RAB3B: variants seen among roughly 807,000 people sequenced by gnomAD.
RAB3B encodes the protein RAB3B, member RAS oncogene family, also known as ras-related protein Rab-3B.
Under a neutral mutation model 20.5 loss-of-function variants are expected in RAB3B, and 11 were observed. The ratio of observed to expected loss-of-function variants is 0.54; its 90% confidence interval spans 0.34 to 0.89. The LOEUF (loss-of-function observed/expected upper bound fraction) is 0.89. Ranked by LOEUF, RAB3B falls within the 40% of genes least tolerant of loss-of-function variation. The pLI is 0.02. For missense variants in RAB3B, 225 were observed against 280.9 expected (o/e 0.80, Z 1.42); for synonymous variants, 99 against 106.3 (o/e 0.93, Z 0.42).
At chr1:51,977,274 G>GC (rs1326187746) in intron 1 of RAB3B, among the ~76,000 whole-genome samples, 157 bp from the exon 2 acceptor site, 1 of 152,138 alleles carries the variant, frequency 6.6e-6, no homozygotes, top group Non-Finnish European at 1.5e-5. Context: ...CACTACACCT[G>GC]CCCCAAATGT....
chr1:51,949,859 A>G (rs1014076231), intron 2 of RAB3B, among the ~76,000 whole-genome samples: 1 of 152,156 alleles, frequency 6.6e-6, no homozygotes, highest in African/African-American at 2.4e-5. Flanking sequence ...ACAGTGCCAC[A>G]GCCTTTTGGG....
At chr1:51,955,019 T>C (rs1684689309) in intron 2 of RAB3B, among the ~76,000 whole-genome samples, 1 of 152,178 alleles carries the variant, frequency 6.6e-6, no homozygotes, top group Non-Finnish European at 1.5e-5. Flanking sequence ...CCGGAAGACA[T>C]TCAGTTAGTG....
chr1:51,925,854 A>G (rs1313163433), intron 4 of RAB3B, among the ~76,000 whole-genome samples: 1 of 152,252 alleles, frequency 6.6e-6, no homozygotes, highest in African/African-American at 2.4e-5. Context: ...CTAAGAAGCT[A>G]AACAGAATAT....
chr1:51,921,184 TTGTC>T (rs1684167456), intron 4 of RAB3B, among the ~76,000 whole-genome samples: 1 of 152,148 alleles, frequency 6.6e-6, no homozygotes, highest in Non-Finnish European at 1.5e-5. Flanking sequence ...CCCACTTCTG[TTGTC>T]TGTCTGCTTT....
At chr1:51,986,146 A>ATT (rs11308826) in intron 1 of RAB3B, among the ~76,000 whole-genome samples, 5 of 89,308 alleles carry the variant, frequency 5.6e-5, no homozygotes, top group African/African-American at 1.7e-4. Flanking sequence ...ATTTCTACGA[A>ATT]TTTTTTTTTT....
At position 51,940,173 on chromosome 1, in the gene RAB3B, C is replaced by A. The variant is rs562830305; in HGVS notation, c.229-2761G>T. Reference sequence around the variant, plus strand: ...ACCCATTACAACATATTGCCTTAGCCATGAACTATACTTAGTGTGATAATA... The same window carrying A: ...ACCCATTACAACATATTGCCTTAGCAATGAACTATACTTAGTGTGATAATA... On this transcript the variant is annotated intron_variant, in intron 2 of 4. Transcript: ENST00000371655. Among the ~76,000 whole-genome samples, 11 of 152,276 alleles carry A rather than the reference C, an allele frequency of 7.2e-5. No individual in the cohort carries two copies. The East Asian group carries it at 2.1e-3, about 29-fold the overall frequency.
Position 51,933,340 on chromosome 1 carries a change from G to A in RAB3B, c.450C>T (p.Gly150=). ...TACCAAGCTGCTCTGCAAGGAGCTG[G>A]CCCTTCTCAGTGGGAACAACCCTCT... ...EEERVVPTEK[G]QLLAEQLGFD... is the part of the protein sequence containing the mutation. Residue 150 remains glycine, a synonymous_variant, in exon 4 of 5, where the codon GGC becomes GGT. Coordinates refer to ENST00000371655, the MANE Select transcript of RAB3B (RefSeq NM_002867.4). 1 of 1,613,908 alleles carries A rather than the reference G, an allele frequency of 6.2e-7. No individual in the cohort carries two copies. The highest frequency in any genetic ancestry group is 1.6e-4 in the Middle Eastern group (1 of 6,062).
chr1:51,972,303 G>A (rs991131480), intron 2 of RAB3B, among the ~76,000 whole-genome samples: 5 of 152,148 alleles, frequency 3.3e-5, no homozygotes, highest in African/African-American at 1.2e-4. Context: ...GATAAGAGGG[G>A]ACAGCAATTG....
chr1:51,985,178 T>G (rs146878228), intron 1 of RAB3B, among the ~76,000 whole-genome samples: 1 of 152,212 alleles, frequency 6.6e-6, no homozygotes, highest in Non-Finnish European at 1.5e-5. Context: ...AGGTACTGAA[T>G]ACATATTATT....
At position 51,919,875 on chromosome 1, in the gene RAB3B, G is replaced by A; in HGVS notation, c.*52C>T. ...AGCGGACAGTGTGTAACAGGGAGAA[G>A]CAGACTGGGTGTGGGGCCACAATGA... is the stretch of plus-strand genomic sequence containing the variant. On this transcript the variant is annotated 3_prime_UTR_variant, in exon 5 of 5. Coordinates refer to ENST00000371655, the MANE Select transcript of RAB3B (RefSeq NM_002867.4). The A allele has an allele frequency of 6.5e-7, 1 of 1,539,404 alleles. No individual in the cohort carries two copies. Among genetic ancestry groups the A allele is most frequent in the Admixed American group, 1.8e-5 (1 of 55,592 alleles).
At chr1:51,987,213 C>T (rs1041207269) in intron 1 of RAB3B, among the ~76,000 whole-genome samples, 12 of 152,114 alleles carry the variant, frequency 7.9e-5, no homozygotes, top group Admixed American at 2.6e-4. Context: ...CCCTAAAATC[C>T]AGCGAGAAGA....
intron 1 of RAB3B, chr1:51,980,649 C>T (rs747534462): frequency 6.6e-6 from 5 of 757,876 alleles, no homozygotes; most frequent in East Asian, 2.4e-5. Context: ...TGAGCATCTT[C>T]GATGCCTATG....
At chr1:51,959,846 A>G (rs1684762765) in intron 2 of RAB3B, among the ~76,000 whole-genome samples, 1 of 152,252 alleles carries the variant, frequency 6.6e-6, no homozygotes, top group Non-Finnish European at 1.5e-5. Context: ...AACTCTCCAT[A>G]CTATCTTTGC....
intron 2 of RAB3B, among the ~76,000 whole-genome samples, chr1:51,947,832 C>T (rs1214366863): frequency 6.6e-6 from 1 of 152,118 alleles, no homozygotes; most frequent in Non-Finnish European, 1.5e-5. Flanking sequence ...CATCCTCTCA[C>T]TTAAAATAGG....
At chr1:51,925,240 C>A (rs1016121626) in intron 4 of RAB3B, among the ~76,000 whole-genome samples, 1 of 152,286 alleles carries the variant, frequency 6.6e-6, no homozygotes, top group Admixed American at 6.5e-5. Context: ...CATTTATCAA[C>A]CTTCAACTCA....
At chr1:51,976,599 G>A (rs1266883858) in intron 2 of RAB3B, among the ~76,000 whole-genome samples, 1 of 152,192 alleles carries the variant, frequency 6.6e-6, no homozygotes, top group Non-Finnish European at 1.5e-5. Flanking sequence ...AGTGGTAGAA[G>A]CAGAATTTGA....
chr1:51,984,263 TAAAAAAAAAAAA>T (rs1166997647), intron 1 of RAB3B, among the ~76,000 whole-genome samples: 303 of 20,656 alleles, frequency 0.015, 1 homozygote, highest in African/African-American at 0.05. Context: ...ACTCTCTAAT[TAAAAAAAAAAAA>T]AAAAAAAAAA....
chr1:51,933,585 A>G (rs1318992150), intron 3 of RAB3B, 143 bp from the exon 4 acceptor site: 16 of 718,586 alleles, frequency 2.2e-5, no homozygotes, highest in Non-Finnish European at 3.2e-5. Flanking sequence ...AATTATGTCA[A>G]TGAGGCTAGA....
At position 51,919,409 on chromosome 1, in the gene RAB3B, G is replaced by A. The variant is rs41293271; in HGVS notation, c.*518C>T. The A allele has an allele frequency of 0.015, 2,330 of 152,724 alleles. 29 individuals carry two copies. The highest frequency in any genetic ancestry group is 0.024 in the Non-Finnish European group (1,616 of 68,308). 9.5% of individuals were successfully genotyped at this position (152,724 alleles called of 1,614,324 possible). On this transcript the variant is annotated 3_prime_UTR_variant, in exon 5 of 5. Coordinates refer to ENST00000371655, the MANE Select transcript of RAB3B (RefSeq NM_002867.4). ...AACTGCCCAGGCCCTGTGGGCATCCGTGGTAACAGGCGCAGGGCTTTGAGA... is the reference window on the plus strand; with the variant it reads ...AACTGCCCAGGCCCTGTGGGCATCCATGGTAACAGGCGCAGGGCTTTGAGA...
Sources: allele counts gnomAD v4.1 joint callset (sites outside exome capture counted in the v4.1 genomes callset), GRCh38; gene constraint gnomAD v4.1.1; transcripts MANE v1.5; gene names NCBI Gene and HGNC (gene_info 2026-07-23, HGNC 2026-07-21).